Variants in TRPV1 observed in about 807,000 individuals in gnomAD.
TRPV1 encodes the protein OTRPC1.
In TRPV1, 82 loss-of-function variants were observed where a neutral mutation model predicts 82.3. The ratio of observed to expected loss-of-function variants is 1.00; its 90% CI spans 0.83 to 1.20. The LOEUF (loss-of-function observed/expected upper bound fraction) is 1.20. Among genes scored for constraint, TRPV1 ranks in the 50% most tolerant of loss-of-function variants. The pLI is 0.00. For synonymous variants in TRPV1, 515 were observed against 467.7 expected (o/e 1.10, Z -1.30); for missense variants, 1,067 against 1,096.8 (o/e 0.97, Z 0.38).
At chr17:3,582,816 C>T (rs1482459153) in intron 10 of TRPV1, among the ~76,000 whole-genome samples, 1 of 151,564 alleles carries the variant, frequency 6.6e-6, no homozygotes. Flanking sequence ...AAAAATTAGC[C>T]GGCTGTGGTG....
At chr17:3,606,057 C>T (rs958626179) in intron 2 of TRPV1, among the ~76,000 whole-genome samples, 1 of 152,188 alleles carries the variant, frequency 6.6e-6, no homozygotes, top group Non-Finnish European at 1.5e-5. Flanking sequence ...CTTCCAGGCT[C>T]AAGCGATTCT....
At chr17:3,593,380 C>T (rs1017763444) in intron 2 of TRPV1, among the ~76,000 whole-genome samples, 1 of 152,080 alleles carries the variant, frequency 6.6e-6, no homozygotes, top group Non-Finnish European at 1.5e-5. Context: ...ATCAGCTGGC[C>T]GCTGGCAGCA....
At chr17:3,590,832 A>T (rs2075147243) in intron 5 of TRPV1, 132 bp downstream of exon 5, 7 of 1,267,632 alleles carry the variant, frequency 5.5e-6, no homozygotes, top group Non-Finnish European at 7.4e-6. Context: ...CCCTAGGATT[A>T]GGAGCCACCA....
At chr17:3,604,409 C>T (rs1163020320) in intron 2 of TRPV1, among the ~76,000 whole-genome samples, 1 of 152,054 alleles carries the variant, frequency 6.6e-6, no homozygotes, top group South Asian at 2.1e-4. Context: ...ACCAGCCTGG[C>T]CAACATGGTG....
rs200161120 is a variant in TRPV1, at chr17:3,573,718, A to G, written c.2018T>C (p.Ile673Thr). 6.2e-7 allele frequency: 1 copy of G among 1,613,926 alleles called. No homozygotes were observed. Among genetic ancestry groups the G allele is most frequent in the Non-Finnish European group, 8.5e-7 (1 of 1,179,990 alleles). ...GGCGATGAGCATGTTGAGCAGGAGGATGTAGGTGAGAATTACATAGGCCAG... is the reference window on the plus strand; with the variant it reads ...GGCGATGAGCATGTTGAGCAGGAGGGTGTAGGTGAGAATTACATAGGCCAG... ...LLLAYVILTY[I>T]LLLNMLIALM... The change falls in exon 14 of 17, where the codon ATC (isoleucine) becomes ACC (threonine). Residue 673 changes from isoleucine to threonine, a missense_variant. Coordinates refer to ENST00000572705, the MANE Select transcript of TRPV1 (RefSeq NM_080704.4).
At chr17:3,575,055 A>G (rs1198740440) in intron 13 of TRPV1, among the ~76,000 whole-genome samples, 1 of 152,206 alleles carries the variant, frequency 6.6e-6, no homozygotes, top group Non-Finnish European at 1.5e-5. Flanking sequence ...CCCATTTAAC[A>G]AAGTGAGAAT....
chr17:3,591,073 G>A lies in TRPV1; in HGVS notation c.495C>T (p.Asn165=), dbSNP rs1205340541. The change falls in exon 5 of 17, where the codon AAC becomes AAT. Residue 165 remains asparagine, a synonymous_variant. Coordinates refer to ENST00000572705, the MANE Select transcript of TRPV1 (RefSeq NM_080704.4). ...GKTCLLKAML[N]LHDGQNTTIP... is the part of the protein sequence containing the mutation. ...TGGTGGTGTTCTGTCCGTCGTGCAG[G>A]TTGAGCATGGCTTTCAGCAGACAGG... The A allele has an allele frequency of 6.2e-7, 1 of 1,613,120 alleles. No homozygotes were observed. Among genetic ancestry groups the A allele is most frequent in the Non-Finnish European group, 8.5e-7 (1 of 1,179,654 alleles).
At chr17:3,571,855 G>T (rs958343133) in intron 15 of TRPV1, among the ~76,000 whole-genome samples, 1 of 152,180 alleles carries the variant, frequency 6.6e-6, no homozygotes, top group African/African-American at 2.4e-5. Context: ...TTGGATGCCA[G>T]GCTCTGACGC....
chr17:3,601,373 C>T (rs161379), intron 2 of TRPV1, among the ~76,000 whole-genome samples: 89,900 of 151,034 alleles, frequency 0.6, 27,489 homozygotes, highest in African/African-American at 0.75. Context: ...AGCAACGCCC[C>T]ACCCCCGCAC....
At chr17:3,607,846 C>T (rs1360285336) in intron 2 of TRPV1, among the ~76,000 whole-genome samples, 2 of 152,120 alleles carry the variant, frequency 1.3e-5, no homozygotes, top group Middle Eastern at 3.4e-3. Context: ...CAAAGTAGAA[C>T]GGTTTTAACA....
At chr17:3,577,240 A>T (rs1426745078) in intron 12 of TRPV1, 48 bp from the exon 13 acceptor site, 1 of 1,550,990 alleles carries the variant, frequency 6.4e-7, no homozygotes, top group Non-Finnish European at 8.7e-7. Context: ...GCCCAGGAGG[A>T]GCTGAGGGAA....
chr17:3,593,118 G>A (rs745903661), intron 2 of TRPV1, among the ~76,000 whole-genome samples: 3 of 100,830 alleles, frequency 3.0e-5, no homozygotes, highest in African/African-American at 8.8e-5. Flanking sequence ...GTGTGTGTGT[G>A]TGTGTGTGTG....
Position 3,580,547 on chromosome 17 carries a change from G to A in TRPV1, c.1477-20C>T. ...CTGAATCTGCAGGTAAACAGAGAGAGTAAGATCCCAGGCAATGCTCGATGT... is the reference window on the plus strand; with the variant it reads ...CTGAATCTGCAGGTAAACAGAGAGAATAAGATCCCAGGCAATGCTCGATGT... On this transcript the variant is annotated intron_variant, in intron 10 of 16. Coordinates refer to ENST00000572705, the MANE Select transcript of TRPV1 (RefSeq NM_080704.4). 6.2e-7 allele frequency: 1 copy of A among 1,613,828 alleles called. No homozygotes were observed. The highest frequency in any genetic ancestry group is 8.5e-7 in the Non-Finnish European group (1 of 1,179,714).
intron 10 of TRPV1, among the ~76,000 whole-genome samples, chr17:3,581,978 CA>C (rs1020933674): frequency 3.4e-5 from 5 of 147,320 alleles, no homozygotes; most frequent in South Asian, 2.2e-4. Context: ...ATCACGAGGT[CA>C]GGAGATCGAG....
intron 4 of TRPV1, 32 bp from the exon 5 acceptor site, chr17:3,591,148 C>A (rs200544321): frequency 6.2e-7 from 1 of 1,609,952 alleles, no homozygotes. Context: ...CAGGGCAGGC[C>A]AGGGCTGGGG....
Position 3,587,813 on chromosome 17 carries a change from CA to C in TRPV1, c.1224+374del, listed in dbSNP as rs534094662. Among the ~76,000 whole-genome samples the C allele has an allele frequency of 5.2e-3, 416 of 79,990 alleles. 1 individual carries two copies. Among genetic ancestry groups the C allele is most frequent in the African/African-American group, 0.017 (328 of 18,994 alleles). The allele number at this position is 79,990 out of a possible 152,430, so 52.5% of individuals were successfully genotyped here. A position where few individuals can be genotyped will look rare whatever the true frequency, so the allele number is the denominator to read the frequency against. On this transcript the variant is annotated intron_variant, in intron 8 of 16. Coordinates refer to ENST00000572705, the MANE Select transcript of TRPV1 (RefSeq NM_080704.4). ...GGGTAACAAGAGCAAAACTTCGTCT[CA>C]AAAAAAAAAAGAAAAATCTACACGC... is the stretch of plus-strand genomic sequence containing the variant.
rs150545900 is a variant in TRPV1, at chr17:3,571,498, G to A, written c.2347+26C>T. On this transcript the variant is annotated intron_variant, in intron 16 of 16. Transcript: ENST00000572705. ...ACATCAGGCCACCAGCCAAGGAGGC[G>A]CCAAGCACCGGCCCTCACGCCTCAC... 114 of 1,537,742 alleles carry A rather than the reference G, an allele frequency of 7.4e-5. No homozygotes were observed. The Middle Eastern group carries it at 1.3e-3, about 18-fold the overall frequency.
intron 1 of TRPV1, 197 bp downstream of exon 1, chr17:3,609,112 C>T (rs1234699023): frequency 6.6e-6 from 1 of 152,168 alleles, no homozygotes. Context: ...TCTTGAACTC[C>T]TGACCTCAGG....
In TRPV1 at chr17:3,591,240, AG is replaced by A; in HGVS notation, c.397del (p.Leu133CysfsTer28). 1.2e-6 allele frequency: 2 copies of A among 1,613,066 alleles called. No individual in the cohort carries two copies. Among genetic ancestry groups the A allele is most frequent in the African/African-American group, 2.7e-5 (2 of 74,938 alleles). Reference sequence around the variant, plus strand: ...CTTGCTCTTCTGCAGGAAGAGCAGCAGGCTCTCCAGATCCTGGCAGTTATTC... The same window carrying A: ...CTTGCTCTTCTGCAGGAAGAGCAGCAGCTCTCCAGATCCTGGCAGTTATTC... ...AQNNCQDLES[L>X]LLFLQKSKKH... On this transcript the variant is annotated frameshift_variant, in exon 4 of 17. Transcript: ENST00000572705. LOFTEE classifies it high-confidence loss of function.
Sources: gnomAD v4.1 joint callset for allele counts (sites outside exome capture counted in the v4.1 genomes callset) on GRCh38, gnomAD v4.1.1 for gene constraint, MANE v1.5 for transcripts, NCBI Gene and HGNC (gene_info 2026-07-23, HGNC 2026-07-21) for gene names.